Variants in PDE8B observed in about 807,000 individuals in gnomAD.
PDE8B encodes phosphodiesterase 8B, also known as high affinity cAMP-specific and IBMX-insensitive 3',5'-cyclic phosphodiesterase 8B.
PDE8B carries 26 observed loss-of-function variants against 101.3 expected under a neutral mutation model. The ratio of observed to expected loss-of-function variants is 0.26; its 90% CI spans 0.19 to 0.36. The LOEUF (loss-of-function observed/expected upper bound fraction) is 0.36, where lower values mean the gene tolerates loss of function less well. PDE8B is among the 10% of genes least tolerant of loss of function. The pLI is 1.00. For synonymous variants in PDE8B, 424 were observed against 429.3 expected, an observed-to-expected ratio of 0.99 and a Z score of 0.15; for missense variants, 810 against 1,163.1, an observed-to-expected ratio of 0.70 and a Z score of 4.42.
intron 10 of PDE8B, among the ~76,000 whole-genome samples, chr5:77,391,044 C>T (rs188811194): frequency 5.3e-5 from 8 of 152,286 alleles, no homozygotes; most frequent in Admixed American, 1.3e-4. Flanking sequence ...GGCTGCCTAC[C>T]GGAGAGAATG....
chr5:77,216,593 A>T (rs12153049), intron 1 of PDE8B, among the ~76,000 whole-genome samples: 4 of 151,978 alleles, frequency 2.6e-5, no homozygotes, highest in Admixed American at 6.5e-5. Flanking sequence ...AGATTTGGGT[A>T]GGGACACAGC....
chr5:77,426,583 C>A lies in PDE8B; in HGVS notation c.*29C>A. Reference sequence around the variant, plus strand: ...CAAGCCACAGAGGGGGCCTCTTGACCGACAAAGGACACTGTGAATCACAGT... The same window carrying A: ...CAAGCCACAGAGGGGGCCTCTTGACAGACAAAGGACACTGTGAATCACAGT... On this transcript the variant is annotated 3_prime_UTR_variant, in exon 22 of 22. Coordinates refer to ENST00000264917, the MANE Select transcript of PDE8B (RefSeq NM_003719.5). 1 of 1,127,632 alleles carries A rather than the reference C, an allele frequency of 8.9e-7. No homozygotes were observed. The highest frequency in any genetic ancestry group is 1.4e-6 in the Non-Finnish European group (1 of 737,534). The allele number at this position is 1,127,632 out of a possible 1,614,324, so 69.9% of individuals were successfully genotyped here.
the PDE8B span, among the ~76,000 whole-genome samples, chr5:77,109,101 TAAAAC>T: frequency 6.6e-6 from 1 of 152,208 alleles, no homozygotes; most frequent in Admixed American, 6.5e-5. Context: ...AAGGCACAGA[TAAAAC>T]AGACAGATTA....
At chr5:77,424,808 T>C (rs904969066) in intron 20 of PDE8B, among the ~76,000 whole-genome samples, 29 of 136,738 alleles carry the variant, frequency 2.1e-4, no homozygotes, top group African/African-American at 7.4e-4. Flanking sequence ...TGAAACTGGT[T>C]CTGTTTTTTT....
At chr5:77,160,291 T>C in the PDE8B span, among the ~76,000 whole-genome samples, 1 of 152,196 alleles carries the variant, frequency 6.6e-6, no homozygotes, top group Non-Finnish European at 1.5e-5. Context: ...TCTCTCAGCA[T>C]GCATTGGGGA....
At chr5:77,135,062 G>T in the PDE8B span, among the ~76,000 whole-genome samples, 1 of 152,182 alleles carries the variant, frequency 6.6e-6, no homozygotes, top group South Asian at 2.1e-4. Flanking sequence ...ATAAGATGAG[G>T]ACAGTAGAGC....
At chr5:77,116,777 C>T in the PDE8B span, among the ~76,000 whole-genome samples, 5 of 152,170 alleles carry the variant, frequency 3.3e-5, no homozygotes, top group African/African-American at 1.2e-4. Context: ...TAATCTTCCA[C>T]ATAAACAAGG....
At chr5:77,345,008 C>A in intron 7 of PDE8B, 77 bp downstream of exon 7, 3 of 928,956 alleles carry the variant, frequency 3.2e-6, no homozygotes, top group East Asian at 4.8e-5. Flanking sequence ...TTATCAAGTA[C>A]TTTCCCATCA....
At chr5:77,402,800 AT>A (rs1420370777) in intron 11 of PDE8B, among the ~76,000 whole-genome samples, 1 of 152,212 alleles carries the variant, frequency 6.6e-6, no homozygotes, top group African/African-American at 2.4e-5. Flanking sequence ...GTTAAGTAAC[AT>A]TTCCAAGATT....
intron 1 of PDE8B, among the ~76,000 whole-genome samples, chr5:77,287,199 CA>C (rs1400686018): frequency 6.6e-6 from 1 of 151,884 alleles, no homozygotes; most frequent in Non-Finnish European, 1.5e-5. Flanking sequence ...GTTCTAGTAA[CA>C]AATTCTCTGT....
At chr5:77,243,853 A>G (rs1486894824) in intron 1 of PDE8B, among the ~76,000 whole-genome samples, 2 of 152,156 alleles carry the variant, frequency 1.3e-5, no homozygotes, top group Non-Finnish European at 2.9e-5. Flanking sequence ...GTTATTTCTC[A>G]TGAGGAGATA....
chr5:77,267,304 G>T (rs1172053037), intron 1 of PDE8B, among the ~76,000 whole-genome samples: 1 of 152,088 alleles, frequency 6.6e-6, no homozygotes, highest in Non-Finnish European at 1.5e-5. Flanking sequence ...GCCATGTATG[G>T]TGGCGGGCAC....
intron 12 of PDE8B, among the ~76,000 whole-genome samples, chr5:77,406,064 A>G (rs948052343): frequency 1.4e-4 from 21 of 152,118 alleles, no homozygotes; most frequent in African/African-American, 4.6e-4. Flanking sequence ...AGGCAGGCGG[A>G]TCACCTGAGG....
the PDE8B span, among the ~76,000 whole-genome samples, chr5:77,155,488 C>G: frequency 2.8e-3 from 420 of 152,296 alleles, 2 homozygotes; most frequent in Non-Finnish European, 5.0e-3. Flanking sequence ...TTACTACACC[C>G]AATTTTCACA....
the PDE8B span, among the ~76,000 whole-genome samples, chr5:77,180,924 C>G: frequency 9.9e-5 from 15 of 152,030 alleles, no homozygotes; most frequent in African/African-American, 3.4e-4. Flanking sequence ...GCCTCCCCTT[C>G]TGAGTAGTGA....
chr5:77,291,184 G>A, intron 1 of PDE8B: 1 of 1,610,924 alleles, frequency 6.2e-7, no homozygotes, highest in Non-Finnish European at 8.5e-7. Flanking sequence ...ACCACTGCGA[G>A]GCGACTGTTT....
chr5:77,229,494 T>C (rs1753105002), intron 1 of PDE8B, among the ~76,000 whole-genome samples: 2 of 152,222 alleles, frequency 1.3e-5, no homozygotes, highest in South Asian at 4.1e-4. Context: ...TTCTTTGCTT[T>C]CAGTATATTT....
At chr5:77,398,401 A>C (rs1791536539) in intron 10 of PDE8B, among the ~76,000 whole-genome samples, 1 of 146,334 alleles carries the variant, frequency 6.8e-6, no homozygotes. Context: ...TGCTCACTGC[A>C]ACCTCTGCCT....
At chr5:77,195,381 C>T in the PDE8B span, among the ~76,000 whole-genome samples, 1 of 152,318 alleles carries the variant, frequency 6.6e-6, no homozygotes, top group Non-Finnish European at 1.5e-5. Context: ...GCGTTCAAGC[C>T]ATAGCATTCT....
Sources: allele counts gnomAD v4.1 joint callset (sites outside exome capture counted in the v4.1 genomes callset), GRCh38; gene constraint gnomAD v4.1.1; transcripts MANE v1.5; gene names NCBI Gene and HGNC (gene_info 2026-07-23, HGNC 2026-07-21).